The following ETV7 variants were observed in gnomAD, a reference collection of about 807,000 sequenced individuals.
ETV7 encodes transcription factor ETV7.
Under a neutral mutation model 39.1 loss-of-function variants are expected in ETV7, and 43 were observed. The ratio of observed to expected loss-of-function variants is 1.10; its 90% confidence interval spans 0.86 to 1.42. ETV7 has a LOEUF of 1.42. ETV7 is among the 40% of genes most tolerant of loss of function. The pLI is 0.00. For missense variants in ETV7, 432 were observed against 442.3 expected (o/e 0.98, Z 0.21); for synonymous variants, 196 against 176.6 (o/e 1.11, Z -0.87).
At chr6:36,357,895 C>A (rs1474821056) in intron 7 of ETV7, among the ~76,000 whole-genome samples, 2 of 149,488 alleles carry the variant, frequency 1.3e-5, no homozygotes, top group African/African-American at 5.0e-5. Flanking sequence ...AAAACAAAAA[C>A]AAACAAAAAA....
chr6:36,361,269 G>C (rs981924261), downstream of ETV7, among the ~76,000 whole-genome samples: 2 of 152,264 alleles, frequency 1.3e-5, no homozygotes, highest in Non-Finnish European at 2.9e-5. Context: ...GAGGGAGCTC[G>C]CCAGCAGCGC....
intron 2 of ETV7, among the ~76,000 whole-genome samples, chr6:36,377,682 T>A (rs1228187190): frequency 1.3e-5 from 2 of 152,174 alleles, no homozygotes; most frequent in African/African-American, 4.8e-5. Flanking sequence ...ACAAAGGAGA[T>A]CTGCATCTTT....
chr6:36,386,917 C>G, intron 1 of ETV7: 1 of 160,776 alleles, frequency 6.2e-6, no homozygotes, highest in Non-Finnish European at 1.4e-5. Context: ...GTCTACTCCT[C>G]TGTCCTCATC....
intron 7 of ETV7, among the ~76,000 whole-genome samples, chr6:36,360,228 G>A (rs140453021): frequency 3.3e-5 from 5 of 152,324 alleles, no homozygotes; most frequent in African/African-American, 9.6e-5. Context: ...CATGGGTAGG[G>A]TGAGGGTAGA....
At chr6:36,359,496 G>A (rs1247458320) in intron 7 of ETV7, among the ~76,000 whole-genome samples, 1 of 151,988 alleles carries the variant, frequency 6.6e-6, no homozygotes, top group Non-Finnish European at 1.5e-5. Flanking sequence ...AAAGAAAGGG[G>A]ACAGTCTACT....
downstream of ETV7, among the ~76,000 whole-genome samples, chr6:36,363,402 G>T (rs1004198437): frequency 6.6e-6 from 1 of 151,740 alleles, no homozygotes; most frequent in African/African-American, 2.4e-5. Flanking sequence ...GGGCTCGCTG[G>T]CTCCAGGAGT....
chr6:36,363,107 ATGCAGC>A (rs1561899557), downstream of ETV7, among the ~76,000 whole-genome samples: 1 of 152,224 alleles, frequency 6.6e-6, no homozygotes. Context: ...TAAGCCAGGT[ATGCAGC>A]TCTGGGGTGA....
At chr6:36,367,526 G>C (rs1350835102) in intron 6 of ETV7, among the ~76,000 whole-genome samples, 2 of 152,142 alleles carry the variant, frequency 1.3e-5, no homozygotes, top group Admixed American at 6.6e-5. Flanking sequence ...CTGCCTACTT[G>C]GCTGAGAACA....
downstream of ETV7, among the ~76,000 whole-genome samples, chr6:36,364,832 C>T (rs1182363241): frequency 6.6e-6 from 1 of 152,256 alleles, no homozygotes; most frequent in Non-Finnish European, 1.5e-5. Flanking sequence ...CATCGCAGAG[C>T]AAAGTCAAGG....
At chr6:36,382,116 C>T (rs959392616) in intron 2 of ETV7, among the ~76,000 whole-genome samples, 12 of 152,302 alleles carry the variant, frequency 7.9e-5, no homozygotes, top group Non-Finnish European at 1.2e-4. Flanking sequence ...CATCTAATCT[C>T]CTGCTTCTCA....
chr6:36,382,881 G>A (rs561561966), intron 2 of ETV7, among the ~76,000 whole-genome samples: 56 of 152,302 alleles, frequency 3.7e-4, no homozygotes, highest in African/African-American at 1.3e-3. Flanking sequence ...TAAGCTCCAG[G>A]GAAAAGAAGA....
intron 1 of ETV7, 146 bp downstream of exon 1, chr6:36,387,390 G>T (rs980449888): frequency 7.6e-6 from 9 of 1,179,990 alleles, no homozygotes; most frequent in Non-Finnish European, 1.1e-5. Flanking sequence ...AGGGATGGAT[G>T]TGAGGTTTAG....
downstream of ETV7, among the ~76,000 whole-genome samples, chr6:36,363,956 G>C (rs1772620117): frequency 6.6e-6 from 1 of 151,860 alleles, no homozygotes; most frequent in Admixed American, 6.6e-5. Flanking sequence ...CCCTGAGCTA[G>C]ACATAAAGGT....
chr6:36,376,881 G>A (rs925089548), intron 2 of ETV7, among the ~76,000 whole-genome samples: 1 of 152,180 alleles, frequency 6.6e-6, no homozygotes, highest in Non-Finnish European at 1.5e-5. Context: ...GGCAGCATGG[G>A]GCACAGCCGG....
chr6:36,373,637 C>G, intron 3 of ETV7, 59 bp from the exon 4 acceptor site: 1 of 1,479,086 alleles, frequency 6.8e-7, no homozygotes, highest in Non-Finnish European at 8.9e-7. Context: ...GAGGGCCAGC[C>G]TCATCCCCCT....
At chr6:36,369,257 C>T (rs896651591) in intron 5 of ETV7, among the ~76,000 whole-genome samples, 186 bp from the exon 6 acceptor site, 2 of 152,204 alleles carry the variant, frequency 1.3e-5, no homozygotes, top group African/African-American at 4.8e-5. Flanking sequence ...AGGCAGTCTT[C>T]CTGAGTCTGG....
rs529796407 is a variant in ETV7 at position 36,367,983 on chromosome 6, C to T, written c.807+946G>A. 7.9e-5 allele frequency among the ~76,000 whole-genome samples: 12 copies of T among 152,314 alleles called. No homozygotes were observed. The East Asian group carries it at 2.1e-3, about 27-fold the overall frequency. On this transcript the variant is annotated intron_variant, in intron 6 of 7. Coordinates refer to ENST00000340181, the MANE Select transcript of ETV7 (RefSeq NM_016135.4). ...CTGCTCTCTGGGCCTGTTTTCCTCC[C>T]TGTTCTATATGAGGATTAGACCAAT... is the stretch of plus-strand genomic sequence containing the variant.
Position 36,375,932 on chromosome 6 carries a change from C to T in ETV7, c.246G>A (p.Met82Ile), listed in dbSNP as rs1385571676. 4 of 1,613,910 alleles carry T rather than the reference C, an allele frequency of 2.5e-6. No homozygotes were observed. The highest frequency in any genetic ancestry group is 2.5e-6 in the Non-Finnish European group (3 of 1,180,054). ...TGAGGATGCAGAGGGCGCGTCCGTT[C>T]ATCTCGAACCCGTGCTCCGCGGTGC... ...LPCTAEHGFE[M>I]NGRALCILTK... The change falls in exon 3 of 8, where the codon ATG becomes ATA. Residue 82 changes from methionine (M) to isoleucine (I), a missense_variant. Met to Ile is a conservative substitution (Grantham distance 10). Coordinates refer to ENST00000340181, the MANE Select transcript of ETV7 (RefSeq NM_016135.4).
Position 36,366,476 on chromosome 6 carries a change from C to A in ETV7, c.*169G>T. The A allele has an allele frequency of 4.7e-6, 7 of 1,487,162 alleles. No individual in the cohort carries two copies. The highest frequency in any genetic ancestry group is 6.2e-6 in the Non-Finnish European group (7 of 1,125,572). The allele number at this position is 1,487,162 out of a possible 1,614,324, so 92.1% of individuals were successfully genotyped here. ...TGCCCAAAAGATGACACTCCTGCCC[C>A]CAGTGTCCTGGATGGGAGGCCTCCC... is the stretch of plus-strand genomic sequence containing the variant. On this transcript the variant is annotated 3_prime_UTR_variant, in exon 8 of 8. Coordinates refer to ENST00000340181, the MANE Select transcript of ETV7 (RefSeq NM_016135.4).
Sources: allele counts gnomAD v4.1 joint callset (sites outside exome capture counted in the v4.1 genomes callset), GRCh38; gene constraint gnomAD v4.1.1; transcripts MANE v1.5; gene names NCBI Gene and HGNC (gene_info 2026-07-23, HGNC 2026-07-21).